ZNF133: variants seen among roughly 807,000 people sequenced by gnomAD.
ZNF133 encodes zinc finger protein 133.
ZNF133 carries 26 observed loss-of-function variants against 54.9 expected under a neutral mutation model. The observed-to-expected ratio is 0.47, with a 90% confidence interval of 0.35 to 0.66. The LOEUF is 0.66. ZNF133 is among the 30% of genes least tolerant of loss of function. The pLI, the probability that ZNF133 is intolerant of heterozygous loss-of-function variation, is 0.01. For missense variants in ZNF133, 653 were observed against 820.8 expected (o/e 0.80, Z 2.50); for synonymous variants, 298 against 320.3 (o/e 0.93, Z 0.74).
At position 18,315,797 on chromosome 20, in the gene ZNF133, C is replaced by A; in HGVS notation, c.946C>A (p.His316Asn). The stretch of plus-strand genomic sequence containing the variant: ...CAGCCAGAAGTCAAACCTCATCATA[C>A]ACCAGAGGACACACTCAGGGGAAAA... ...GFSQKSNLII[H>N]QRTHSGEKPY... Residue 316 changes from histidine (H) to asparagine (N), a missense_variant, in exon 7 of 7, where the codon CAC (histidine) becomes AAC (asparagine). Coordinates refer to ENST00000425686, the MANE Select transcript of ZNF133 (RefSeq NM_001352452.2). 1 of 1,612,500 alleles carries A rather than the reference C, an allele frequency of 6.2e-7. No individual in the cohort carries two copies. The highest frequency in any genetic ancestry group is 8.5e-7 in the Non-Finnish European group (1 of 1,178,784).
At chr20:18,293,114 G>A (rs1226422184) in intron 1 of ZNF133, among the ~76,000 whole-genome samples, 1 of 152,208 alleles carries the variant, frequency 6.6e-6, no homozygotes, top group Admixed American at 6.5e-5. Context: ...ACCAGCAAGG[G>A]TTCTGGTTAT....
chr20:18,309,909 T>C (rs193038133), intron 6 of ZNF133, among the ~76,000 whole-genome samples: 1 of 152,272 alleles, frequency 6.6e-6, no homozygotes, highest in East Asian at 1.9e-4. Context: ...GCCAAGGACA[T>C]GGAAGGAATG....
intron 6 of ZNF133, 75 bp downstream of exon 6, chr20:18,306,468 C>A: frequency 6.9e-7 from 1 of 1,455,972 alleles, no homozygotes; most frequent in Non-Finnish European, 9.5e-7. Context: ...AGGCGTTGCT[C>A]AGGTGCTGGG....
chr20:18,306,761 G>C, intron 6 of ZNF133: 1 of 1,317,566 alleles, frequency 7.6e-7, no homozygotes, highest in South Asian at 1.3e-5. Context: ...AGCCCAGTGG[G>C]AGGAAGAAAT....
In ZNF133 at chr20:18,315,858, G is replaced by A. The variant is rs7272669; in HGVS notation, c.1007G>A (p.Ser336Asn). 6.2e-7 allele frequency: 1 copy of A among 1,613,266 alleles called. No homozygotes were observed. The highest frequency in any genetic ancestry group is 1.7e-4 in the Middle Eastern group (1 of 6,060). Reference protein sequence around the residue: ...YVCRECGKGFSQKSAVVRHQR... With the variant: ...YVCRECGKGFNQKSAVVRHQR... The stretch of plus-strand genomic sequence containing the variant: ...TGCCGGGAATGTGGCAAAGGCTTCA[G>A]CCAGAAGTCAGCTGTCGTGAGACAC... Residue 336 changes from serine (S) to asparagine (N), a missense_variant, in exon 7 of 7, where the codon AGC (serine) becomes AAC (asparagine). This residue lies in a region of ZNF133 where 292 missense variants were observed against 431.6 expected (regional missense o/e 0.68). Transcript: ENST00000425686.
At chr20:18,299,003 G>A (rs1405760775) in intron 3 of ZNF133, among the ~76,000 whole-genome samples, 1 of 152,066 alleles carries the variant, frequency 6.6e-6, no homozygotes, top group Non-Finnish European at 1.5e-5. Flanking sequence ...GACTCTAACA[G>A]AGTTGCTGCT....
chr20:18,316,225 C>T lies in ZNF133; in HGVS notation c.1374C>T (p.Asn458=), dbSNP rs747200749. Residue 458 remains asparagine, a synonymous_variant, in exon 7 of 7, where the codon AAC becomes AAT. Coordinates refer to ENST00000425686, the MANE Select transcript of ZNF133 (RefSeq NM_001352452.2). ...SLKSHLNRHQ[N]IHSGEKPIVC... ...AGTCACACCTCAACAGACACCAGAA[C>T]ATACACTCAGGAGAGAAGCCCATTG... The T allele has an allele frequency of 6.2e-7, 1 of 1,603,504 alleles. No homozygotes were observed. Among genetic ancestry groups the T allele is most frequent in the Non-Finnish European group, 8.5e-7 (1 of 1,175,614 alleles).
chr20:18,313,604 C>T (rs1212280467), intron 6 of ZNF133: 1 of 152,106 alleles, frequency 6.6e-6, no homozygotes, highest in Non-Finnish European at 1.5e-5. Flanking sequence ...CTGTCGTATT[C>T]AAGAGAAACA....
intron 6 of ZNF133, chr20:18,312,795 A>T (rs6035020): frequency 6.6e-6 from 1 of 152,196 alleles, no homozygotes; most frequent in Non-Finnish European, 1.5e-5. Context: ...GCTCACTGCA[A>T]CCTCCGCCAC....
At chr20:18,291,527 C>T (rs1185564797) in intron 1 of ZNF133, among the ~76,000 whole-genome samples, 1 of 152,082 alleles carries the variant, frequency 6.6e-6, no homozygotes, top group Non-Finnish European at 1.5e-5. Context: ...CCCAAATTTC[C>T]ACCGTGGAAA....
At chr20:18,314,751 T>C (rs904811353) in intron 6 of ZNF133, 1 of 249,658 alleles carries the variant, frequency 4.0e-6, no homozygotes, top group Non-Finnish European at 7.6e-6. Flanking sequence ...TCAGTGTGCA[T>C]GGTTGTGAGT....
In ZNF133 at chr20:18,310,292, G is replaced by C. The variant is rs767093706; in HGVS notation, c.217+3899G>C. On this transcript the variant is annotated intron_variant, in intron 6 of 6. Transcript: ENST00000425686. Reference sequence around the variant, plus strand: ...AACCCAAAATATATGTGTAACGGGAGGAAGACTGTTCTAGGTATAAAATAC... The same window carrying C: ...AACCCAAAATATATGTGTAACGGGACGAAGACTGTTCTAGGTATAAAATAC... 3 of 1,533,398 alleles carry C rather than the reference G, an allele frequency of 2.0e-6. 1 individual carries two copies. The South Asian group carries it at 3.6e-5, about 18-fold the overall frequency. 95.0% of individuals were successfully genotyped at this position (1,533,398 alleles called of 1,614,324 possible). A position where few individuals can be genotyped will look rare whatever the true frequency, so the allele number is the denominator to read the frequency against.
At chr20:18,294,932 T>C (rs777644063) in intron 1 of ZNF133, among the ~76,000 whole-genome samples, 5 of 152,222 alleles carry the variant, frequency 3.3e-5, no homozygotes, top group Non-Finnish European at 7.3e-5. Flanking sequence ...TTTTCTGTTT[T>C]TGAACTGTCA....
chr20:18,297,912 G>A (rs184258228), intron 1 of ZNF133, 73 bp from the exon 2 acceptor site: 1 of 986,530 alleles, frequency 1.0e-6, no homozygotes, highest in East Asian at 2.6e-5. Context: ...TGGGGTTAAA[G>A]AGCAGGCCCT....
intron 6 of ZNF133, among the ~76,000 whole-genome samples, chr20:18,311,540 G>C (rs1327901122): frequency 6.6e-6 from 1 of 152,106 alleles, no homozygotes; most frequent in Non-Finnish European, 1.5e-5. Context: ...ATGTTTTTAA[G>C]CATATATAGT....
intron 6 of ZNF133, chr20:18,310,318 A>G (rs145500279): frequency 5.3e-4 from 818 of 1,530,394 alleles, no homozygotes; most frequent in Non-Finnish European, 6.6e-4. Context: ...TATAAAATAC[A>G]TCTTAACGGT....
chr20:18,309,229 C>T (rs1180629234), intron 6 of ZNF133, among the ~76,000 whole-genome samples: 1 of 152,178 alleles, frequency 6.6e-6, no homozygotes. Context: ...TTAGGGATTA[C>T]AGCTTCAACA....
chr20:18,316,567 C>T lies in ZNF133; in HGVS notation c.1716C>T (p.His572=). The part of the protein sequence containing the change: ...KSALITHKRA[H]SEEKPCVCRE... ...CTCTAATTACACACAAGCGGGCTCACTCGGAAGAGAAGCCTTGTGTGTGCA... is the reference window on the plus strand; with the variant it reads ...CTCTAATTACACACAAGCGGGCTCATTCGGAAGAGAAGCCTTGTGTGTGCA... Residue 572 remains histidine, a synonymous_variant, in exon 7 of 7, where the codon CAC becomes CAT. Coordinates refer to ENST00000425686, the MANE Select transcript of ZNF133 (RefSeq NM_001352452.2). 6.2e-7 allele frequency: 1 copy of T among 1,614,112 alleles called. No homozygotes were observed. The highest frequency in any genetic ancestry group is 8.5e-7 in the Non-Finnish European group (1 of 1,179,976).
chr20:18,304,402 G>A (rs1362379361), intron 3 of ZNF133, among the ~76,000 whole-genome samples: 1 of 152,178 alleles, frequency 6.6e-6, no homozygotes, highest in African/African-American at 2.4e-5. Flanking sequence ...ACTTTTGAGT[G>A]TATACCCAAA....
Sources: allele counts gnomAD v4.1 joint callset (sites outside exome capture counted in the v4.1 genomes callset), GRCh38; gene constraint gnomAD v4.1.1; regional missense constraint gnomAD v4.1.1; transcripts MANE v1.5; gene names NCBI Gene and HGNC (gene_info 2026-07-23, HGNC 2026-07-21).